ZFHX3: variants seen among roughly 807,000 people sequenced by gnomAD.
ZFHX3 encodes zinc finger homeobox protein 3.
Under a neutral mutation model 279.1 loss-of-function variants are expected in ZFHX3, and 42 were observed. The observed-to-expected ratio is 0.15, with a 90% CI of 0.12 to 0.19. The LOEUF is 0.19. ZFHX3 is among the 10% of genes least tolerant of loss of function. The pLI is 1.00. For missense variants in ZFHX3, 4,981 were observed against 4,754.0 expected (o/e 1.05, Z -1.40); for synonymous variants, 2,293 against 1,957.8 (o/e 1.17, Z -4.52).
intron 8 of ZFHX3, among the ~76,000 whole-genome samples, chr16:73,090,911 G>A (rs1196809867): frequency 2.8e-5 from 3 of 108,316 alleles, no homozygotes; most frequent in African/African-American, 5.2e-5. Context: ...ATCCCATATT[G>A]AAAAAAAAAA....
At chr16:73,206,949 T>C (rs28448308) in intron 5 of ZFHX3, among the ~76,000 whole-genome samples, 4,261 of 151,012 alleles carry the variant, frequency 0.028, 232 homozygotes, top group African/African-American at 0.098. Flanking sequence ...ACCTGAGAGG[T>C]GGAGGTTGCA....
intron 4 of ZFHX3, among the ~76,000 whole-genome samples, chr16:72,881,562 G>A (rs767489620): frequency 6.6e-6 from 1 of 152,192 alleles, no homozygotes; most frequent in African/African-American, 2.4e-5. Flanking sequence ...CATATAGGAT[G>A]TAAGTAGCCC....
intron 3 of ZFHX3, among the ~76,000 whole-genome samples, chr16:72,901,006 G>T (rs889491287): frequency 2.0e-5 from 3 of 152,190 alleles, no homozygotes; most frequent in Non-Finnish European, 4.4e-5. Context: ...CTGCACACAA[G>T]AATTCACCTC....
chr16:72,934,520 C>T (rs140148794), intron 3 of ZFHX3, among the ~76,000 whole-genome samples: 212 of 152,308 alleles, frequency 1.4e-3, no homozygotes, highest in Middle Eastern at 3.4e-3. Context: ...TCAGTAAGTA[C>T]AAGAATGAAT....
chr16:73,560,437 T>C (rs780363535), intron 2 of ZFHX3, among the ~76,000 whole-genome samples: 6 of 152,230 alleles, frequency 3.9e-5, no homozygotes, highest in Non-Finnish European at 5.9e-5. Context: ...GCTCTTTTGA[T>C]GTCAAGATTC....
chr16:73,267,942 G>A (rs28718977), intron 4 of ZFHX3, among the ~76,000 whole-genome samples: 7 of 152,172 alleles, frequency 4.6e-5, no homozygotes, highest in African/African-American at 1.7e-4. Context: ...CCTCATCACC[G>A]CCTCTCAGTG....
intron 6 of ZFHX3, among the ~76,000 whole-genome samples, chr16:73,137,822 T>C (rs1280912047): frequency 6.6e-6 from 1 of 152,120 alleles, no homozygotes; most frequent in Non-Finnish European, 1.5e-5. Context: ...GCAGCTTTGT[T>C]ATAATGCTTT....
Position 73,231,523 on chromosome 16 carries a change from C to T in ZFHX3, c.-1104+25524G>A, listed in dbSNP as rs11862749. Among the ~76,000 whole-genome samples the T allele has an allele frequency of 6.0e-3, 919 of 152,236 alleles. 18 individuals carry two copies. The highest frequency in any genetic ancestry group is 0.021 in the African/African-American group (876 of 41,526). ...CACTCTTTCTACATTTTGGAAGCAG[C>T]GAGGGGGTGATAAGGCAAGTTCGTG... On this transcript the variant is annotated intron_variant, in intron 5 of 17. Coordinates refer to the ZFHX3 transcript ENST00000641206.
rs1225437588 is a variant in ZFHX3 at position 73,695,298 on chromosome 16, C to T, written c.-1607-15058G>A. ...GTAGCCAGGCTGGAGTGCAGTGGCG[C>T]GATCTCAGCTCACTGCAACCTCCAC... On this transcript the variant is annotated intron_variant, in intron 1 of 17. Coordinates refer to the ZFHX3 transcript ENST00000641206. 5.4e-5 allele frequency among the ~76,000 whole-genome samples: 8 copies of T among 148,748 alleles called. No homozygotes were observed. In the East Asian group the frequency reaches 5.9e-4, roughly 11 times the overall value.
At chr16:72,968,519 G>T (rs886642331) in intron 1 of ZFHX3, among the ~76,000 whole-genome samples, 16 of 149,676 alleles carry the variant, frequency 1.1e-4, no homozygotes, top group Non-Finnish European at 1.5e-5. Context: ...GGAGTGCAGT[G>T]GCGCAGTCTC....
chr16:72,896,581 G>C (rs573883968), intron 3 of ZFHX3, among the ~76,000 whole-genome samples: 1 of 152,178 alleles, frequency 6.6e-6, no homozygotes, highest in African/African-American at 2.4e-5. Context: ...GTTCAGCCTC[G>C]TCAAACACTG....
At chr16:72,967,740 C>G (rs1419444267) in intron 1 of ZFHX3, among the ~76,000 whole-genome samples, 3 of 150,292 alleles carry the variant, frequency 2.0e-5, no homozygotes, top group African/African-American at 7.4e-5. Context: ...CACGGTGAAA[C>G]CCCGTCTCTA....
In ZFHX3 at chr16:73,788,741, T is replaced by C. The variant is rs993497174; in HGVS notation, c.-1608+102910A>G. 9.3e-5 allele frequency among the ~76,000 whole-genome samples: 14 copies of C among 151,274 alleles called. 1 individual carries two copies. The highest frequency in any genetic ancestry group is 1.8e-4 in the Non-Finnish European group (12 of 67,906). On this transcript the variant is annotated intron_variant, in intron 1 of 17. Coordinates refer to the ZFHX3 transcript ENST00000641206. The stretch of plus-strand genomic sequence containing the variant: ...ATATATATATCTATATATAGATATA[T>C]CTATATATAGATCATGAGGTCAGGA...
intron 5 of ZFHX3, among the ~76,000 whole-genome samples, chr16:73,170,223 G>GTATTTTTTTTTTTTT: frequency 1.7e-5 from 1 of 57,718 alleles, no homozygotes; most frequent in Non-Finnish European, 2.9e-5. Context: ...CCTTTCACTA[G>GTATTTTTTTTTTTTT]TTTTTTTTTT....
chr16:72,889,580 C>T, intron 4 of ZFHX3, 151 bp downstream of exon 4: 4 of 703,810 alleles, frequency 5.7e-6, no homozygotes, highest in Non-Finnish European at 9.2e-6. Context: ...CATGTTCCTT[C>T]CAAAACACAA....
chr16:73,647,099 G>C lies in ZFHX3; in HGVS notation c.-1547+33081C>G, dbSNP rs573289056. On this transcript the variant is annotated intron_variant, in intron 2 of 17. Transcript: ENST00000641206. ...GCGATCTCGGCGCACTGCACGGTCC[G>C]ACTCCCAGGTTTACGCCATTCTCCT... Among the ~76,000 whole-genome samples, 4 of 149,414 alleles carry C rather than the reference G, an allele frequency of 2.7e-5. No homozygotes were observed. The Admixed American group carries it at 2.7e-4, about 10-fold the overall frequency.
chr16:73,685,618 A>T (rs534514989), intron 1 of ZFHX3, among the ~76,000 whole-genome samples: 24 of 152,358 alleles, frequency 1.6e-4, no homozygotes, highest in African/African-American at 5.8e-4. Context: ...AGTTTGCGGT[A>T]GCATGCATCA....
chr16:73,506,238 C>T (rs1005893482), intron 2 of ZFHX3, among the ~76,000 whole-genome samples: 2 of 152,168 alleles, frequency 1.3e-5, no homozygotes, highest in African/African-American at 4.8e-5. Context: ...ATCTATCTTT[C>T]CAGGAAATGC....
chr16:73,396,864 A>G (rs1048707371), intron 3 of ZFHX3, among the ~76,000 whole-genome samples: 2 of 152,172 alleles, frequency 1.3e-5, no homozygotes, highest in African/African-American at 2.4e-5. Flanking sequence ...GATGGCCTAC[A>G]TTTCCTAACC....
Sources: gnomAD v4.1 joint callset for allele counts (sites outside exome capture counted in the v4.1 genomes callset) on GRCh38, gnomAD v4.1.1 for gene constraint, MANE v1.5 for transcripts, NCBI Gene and HGNC (gene_info 2026-07-23, HGNC 2026-07-21) for gene names.